Variants in NKIRAS1 observed in about 807,000 individuals in gnomAD.
The protein encoded by NKIRAS1 is NFKB inhibitor interacting Ras like 1.
A neutral mutation model predicts 19.8 loss-of-function variants in NKIRAS1; 16 were observed. That is an observed-to-expected ratio of 0.81 (90% CI 0.55 to 1.23). The LOEUF (loss-of-function observed/expected upper bound fraction) is 1.23. Ranked by LOEUF, NKIRAS1 falls within the 50% of genes most tolerant of loss-of-function variation. The pLI is 0.00. For synonymous variants in NKIRAS1, 88 were observed against 79.0 expected (o/e 1.11, Z -0.61); for missense variants, 184 against 220.0 (o/e 0.84, Z 1.04).
At chr3:23,910,767 T>G (rs149013494) in intron 3 of NKIRAS1, 44 bp downstream of exon 3, 4 of 1,444,702 alleles carry the variant, frequency 2.8e-6, no homozygotes, top group Non-Finnish European at 3.9e-6. Context: ...AGACCCCTGA[T>G]AGCTCCCAGA....
intron 3 of NKIRAS1, among the ~76,000 whole-genome samples, chr3:23,904,225 T>C (rs1160651803): frequency 1.3e-5 from 2 of 152,226 alleles, no homozygotes; most frequent in African/African-American, 4.8e-5. Flanking sequence ...CTTAGTCCAT[T>C]TGTGCTTCTA....
Position 23,900,859 on chromosome 3 carries a change from T to C in NKIRAS1, c.285A>G (p.Gln95=), listed in dbSNP as rs1464005989. The C allele has an allele frequency of 1.2e-6, 2 of 1,613,824 alleles. No individual in the cohort carries two copies. The highest frequency in any genetic ancestry group is 1.7e-6 in the Non-Finnish European group (2 of 1,179,838). The change falls in exon 4 of 5, where the codon CAA becomes CAG. Residue 95 remains glutamine (Q), a synonymous_variant. Transcript: ENST00000425478. ...TTTCTTTCTTCAGAAGCTCCACTCT[T>C]TGAAAGGATTCAAGGTTATTCACAC... The part of the protein sequence containing the change: ...VYSVNNLESF[Q]RVELLKKEID...
chr3:23,929,882 C>G (rs545126194), intron 1 of NKIRAS1, among the ~76,000 whole-genome samples: 11 of 152,144 alleles, frequency 7.2e-5, no homozygotes, highest in Non-Finnish European at 1.3e-4. Context: ...TCCCATTACT[C>G]AGAGAGAACC....
At position 23,890,311 on chromosome 3, in the gene NKIRAS1, T is replaced by A. The variant is rs1701361287; in HGVS notation, c.*2784A>T. Among the ~76,000 whole-genome samples, 1 of 152,174 alleles carries A rather than the reference T, an allele frequency of 6.6e-6. No individual in the cohort carries two copies. Among genetic ancestry groups the A allele is most frequent in the African/African-American group, 2.4e-5 (1 of 41,434 alleles). Reference sequence around the variant, plus strand: ...AAAGACAGACCAGTACACTAAAGCCTAAGCATTCCCTCTTCCCCCAACGTT... The same window carrying A: ...AAAGACAGACCAGTACACTAAAGCCAAAGCATTCCCTCTTCCCCCAACGTT... On this transcript the variant is annotated 3_prime_UTR_variant, in exon 5 of 5. Coordinates refer to ENST00000425478, the MANE Select transcript of NKIRAS1 (RefSeq NM_020345.4).
intron 4 of NKIRAS1, 51 bp downstream of exon 4, chr3:23,900,757 A>C (rs1702448989): frequency 1.4e-6 from 2 of 1,467,116 alleles, no homozygotes; most frequent in African/African-American, 2.8e-5. Context: ...CTGTGCTATA[A>C]TTTAAATGGT....
chr3:23,918,933 A>G (rs1259202243), upstream of NKIRAS1: 5 of 533,744 alleles, frequency 9.4e-6, no homozygotes, highest in Middle Eastern at 4.8e-4. Context: ...AAATTTTGTT[A>G]CCCAGATATT....
chr3:23,946,212 T>A (rs939828495), intron 1 of NKIRAS1: 1 of 985,268 alleles, frequency 1.0e-6, no homozygotes, highest in Non-Finnish European at 1.2e-6. Flanking sequence ...AAGCGGGCGC[T>A]GACACCGCAG....
At chr3:23,918,649 T>C (rs150440638), upstream of NKIRAS1, 1 of 1,539,736 alleles carries the variant, frequency 6.5e-7, no homozygotes, top group Non-Finnish European at 8.8e-7. Flanking sequence ...AAGCAACTTT[T>C]CTGATTGTAC....
Position 23,893,166 on chromosome 3 carries a change from G to A in NKIRAS1, c.508C>T (p.Gln170Ter), listed in dbSNP as rs1311913163. ...GGAAAGCTTGATTTGCTCTGGGGTT[G>A]AGAAAGTTTACTGGCTAATAAAGTG... ...PFTLLASKLS[Q>*]PQSKSSFPLP... Residue 170 changes from glutamine (Q) to a stop codon, truncating the protein, a stop_gained, in exon 5 of 5, where the codon CAA (glutamine) becomes TAA (stop). Coordinates refer to ENST00000425478, the MANE Select transcript of NKIRAS1 (RefSeq NM_020345.4). LOFTEE classifies it high-confidence loss of function. 1.9e-6 allele frequency: 3 copies of A among 1,611,636 alleles called. No homozygotes were observed. Among genetic ancestry groups the A allele is most frequent in the Admixed American group, 1.7e-5 (1 of 59,516 alleles).
In NKIRAS1 at chr3:23,926,423, C is replaced by T. The variant is rs1705213933; in HGVS notation, c.-139-14973G>A. Among the ~76,000 whole-genome samples, 1 of 152,076 alleles carries T rather than the reference C, an allele frequency of 6.6e-6. No homozygotes were observed. Among genetic ancestry groups the T allele is most frequent in the African/African-American group, 2.4e-5 (1 of 41,422 alleles). ...TTCTTCTTCCTCCTCCTCCTTCCTCCTCCTCCTCTTGCTCCTCGTCCTCCT... is the reference window on the plus strand; with the variant it reads ...TTCTTCTTCCTCCTCCTCCTTCCTCTTCCTCCTCTTGCTCCTCGTCCTCCT... On this transcript the variant is annotated intron_variant, in intron 1 of 4. Transcript: ENST00000421515. The surrounding 1 kb of genome is among the most constrained non-coding windows in gnomAD (Gnocchi z 4.3).
intron 1 of NKIRAS1, among the ~76,000 whole-genome samples, chr3:23,937,488 T>A (rs1232802477): frequency 6.6e-6 from 1 of 151,932 alleles, no homozygotes; most frequent in Non-Finnish European, 1.5e-5. Flanking sequence ...GGAAAATTTG[T>A]GAGTCAGCAA....
chr3:23,895,628 G>A (rs1426433636), intron 4 of NKIRAS1, among the ~76,000 whole-genome samples: 1 of 152,102 alleles, frequency 6.6e-6, no homozygotes, highest in Non-Finnish European at 1.5e-5. Flanking sequence ...GCTGAATATG[G>A]CTGGAGAAAA....
intron 1 of NKIRAS1, chr3:23,945,592 C>G: frequency 8.5e-7 from 1 of 1,174,180 alleles, no homozygotes; most frequent in Admixed American, 4.6e-5. Context: ...GAGGTGAATG[C>G]AGGTAAGAAC....
Position 23,894,417 on chromosome 3 carries a change from AG to A in NKIRAS1, c.337-1081del, listed in dbSNP as rs1489957481. Among the ~76,000 whole-genome samples, 7 of 152,300 alleles carry A rather than the reference AG, an allele frequency of 4.6e-5. No individual in the cohort carries two copies. In the East Asian group the frequency reaches 5.8e-4, roughly 13 times the overall value. On this transcript the variant is annotated intron_variant, in intron 4 of 4. Transcript: ENST00000425478. ...TCCAGTAAGGCCATGCCTTGCTGGC[AG>A]GATGAAAGTGGGCCAGAGCTCCAGT... is the stretch of plus-strand genomic sequence containing the variant.
In NKIRAS1 at chr3:23,901,057, T is replaced by G; in HGVS notation, c.95-8A>C. 1 of 1,612,026 alleles carries G rather than the reference T, an allele frequency of 6.2e-7. No individual in the cohort carries two copies. Among genetic ancestry groups the G allele is most frequent in the South Asian group, 1.1e-5 (1 of 91,008 alleles). On this transcript the variant is annotated splice_polypyrimidine_tract_variant and splice_region_variant and intron_variant, in intron 3 of 4. Transcript: ENST00000425478. ...TTTCGCAATCTTCCATTCCTGGGAT[T>G]AAGAAAACAAATTACTCTTTTTGGC...
chr3:23,943,884 G>A (rs1705559477), intron 1 of NKIRAS1, among the ~76,000 whole-genome samples: 1 of 152,256 alleles, frequency 6.6e-6, no homozygotes, highest in African/African-American at 2.4e-5. Context: ...GTCAGGTTAA[G>A]TCGTTGAATT....
chr3:23,920,031 C>T, upstream of NKIRAS1: 1 of 985,070 alleles, frequency 1.0e-6, no homozygotes, highest in Non-Finnish European at 1.2e-6. Context: ...AGTGCCATGG[C>T]TTCATGGCAT....
At chr3:23,903,533 A>AAAAC (rs766064467) in intron 3 of NKIRAS1, among the ~76,000 whole-genome samples, 6 of 152,350 alleles carry the variant, frequency 3.9e-5, no homozygotes, top group Admixed American at 2.0e-4. Context: ...AAAGAAAACA[A>AAAAC]AAACAAACAA....
In NKIRAS1 at chr3:23,892,921, A is replaced by T. The variant is rs1278268391; in HGVS notation, c.*174T>A. On this transcript the variant is annotated 3_prime_UTR_variant, in exon 5 of 5. Transcript: ENST00000425478. ...TATTATTTCATATCAGGCAATAATA[A>T]CCTTAGCCCAAATACTTTTAACATC... 12 of 487,952 alleles carry T rather than the reference A, an allele frequency of 2.5e-5. No homozygotes were observed. Among genetic ancestry groups the T allele is most frequent in the Non-Finnish European group, 4.1e-5 (12 of 291,654 alleles). 30.2% of individuals were successfully genotyped at this position (487,952 alleles called of 1,614,324 possible).
Sources: allele counts gnomAD v4.1 joint callset (sites outside exome capture counted in the v4.1 genomes callset), GRCh38; gene constraint gnomAD v4.1.1; non-coding constraint Gnocchi (gnomAD v3.1); transcripts MANE v1.5; gene names NCBI Gene and HGNC (gene_info 2026-07-23, HGNC 2026-07-21).